CADM2: variants seen among roughly 807,000 people sequenced by gnomAD.
The protein encoded by CADM2 is immunoglobulin superfamily member 4D.
CADM2 carries 12 observed loss-of-function variants against 49.8 expected under a neutral mutation model. The observed-to-expected ratio is 0.24, with a 90% CI of 0.15 to 0.39. The LOEUF is 0.39. Ranked by LOEUF, CADM2 falls within the 10% of genes least tolerant of loss-of-function variation. The pLI, the probability that CADM2 is intolerant of heterozygous loss-of-function variation, is 1.00. For synonymous variants in CADM2, 214 were observed against 175.4 expected (o/e 1.22, Z -1.74); for missense variants, 378 against 492.3 (o/e 0.77, Z 2.20).
chr3:85,327,269 T>G (rs1184562842), intron 1 of CADM2, among the ~76,000 whole-genome samples: 1 of 151,978 alleles, frequency 6.6e-6, no homozygotes, highest in Non-Finnish European at 1.5e-5. Context: ...TATTATTTAT[T>G]TATTTAGAGA....
intron 8 of CADM2, among the ~76,000 whole-genome samples, chr3:86,003,260 A>T (rs1440891425): frequency 9.2e-5 from 14 of 152,188 alleles, no homozygotes. Flanking sequence ...TGTACCTGCA[A>T]CCACCTGGCC....
At chr3:85,314,982 T>A (rs1303345600) in intron 1 of CADM2, among the ~76,000 whole-genome samples, 1 of 152,176 alleles carries the variant, frequency 6.6e-6, no homozygotes, top group Non-Finnish European at 1.5e-5. Flanking sequence ...TCTCACACAG[T>A]TCTGGAGGCT....
intron 3 of CADM2, among the ~76,000 whole-genome samples, chr3:85,835,699 T>A (rs1483595820): frequency 6.7e-6 from 1 of 148,898 alleles, no homozygotes; most frequent in Non-Finnish European, 1.5e-5. Context: ...CAGCAAGTAT[T>A]TTATATATGT....
chr3:85,971,113 T>C (rs1726071104), intron 8 of CADM2, among the ~76,000 whole-genome samples: 1 of 151,550 alleles, frequency 6.6e-6, no homozygotes, highest in Non-Finnish European at 1.5e-5. Context: ...ATTAAGATCA[T>C]TTTTTCTAGT....
chr3:85,324,019 G>C (rs150518400), intron 1 of CADM2, among the ~76,000 whole-genome samples: 25 of 152,268 alleles, frequency 1.6e-4, no homozygotes, highest in Non-Finnish European at 2.8e-4. Flanking sequence ...AATACTGGCT[G>C]TACTGCTATT....
At chr3:85,631,338 G>A in intron 1 of CADM2, among the ~76,000 whole-genome samples, 1 of 152,106 alleles carries the variant, frequency 6.6e-6, no homozygotes, top group East Asian at 1.9e-4. Flanking sequence ...CTATAGAAGA[G>A]CTTAATAAAT....
At chr3:85,404,008 A>G (rs2035250298) in intron 1 of CADM2, among the ~76,000 whole-genome samples, 1 of 152,164 alleles carries the variant, frequency 6.6e-6, no homozygotes, top group African/African-American at 2.4e-5. Flanking sequence ...GGAATTTTAC[A>G]TGGTTTATAT....
At chr3:85,857,865 A>G (rs2075375594) in intron 3 of CADM2, among the ~76,000 whole-genome samples, 1 of 152,216 alleles carries the variant, frequency 6.6e-6, no homozygotes, top group African/African-American at 2.4e-5. Context: ...CAGAATAAAC[A>G]TCTTTGTTTA....
At chr3:85,175,736 T>A (rs2040765371) in intron 1 of CADM2, among the ~76,000 whole-genome samples, 1 of 152,022 alleles carries the variant, frequency 6.6e-6, no homozygotes, top group Non-Finnish European at 1.5e-5. Context: ...ATGGTTTAAG[T>A]GGTAAATTTC....
chr3:85,813,493 AG>A (rs1247545611), intron 3 of CADM2, among the ~76,000 whole-genome samples: 1 of 151,840 alleles, frequency 6.6e-6, no homozygotes, highest in African/African-American at 2.4e-5. Flanking sequence ...ACCATTCTGT[AG>A]GTTGCGTGAT....
chr3:85,255,989 G>A (rs1477469108), intron 1 of CADM2, among the ~76,000 whole-genome samples: 1 of 151,896 alleles, frequency 6.6e-6, no homozygotes, highest in Non-Finnish European at 1.5e-5. Flanking sequence ...AGCCTGTTAT[G>A]TGAAAGCACC....
At chr3:85,944,345 C>A (rs1722364344) in intron 7 of CADM2, among the ~76,000 whole-genome samples, 1 of 152,014 alleles carries the variant, frequency 6.6e-6, no homozygotes. Flanking sequence ...ACCCCACTGT[C>A]AACATTAGAC....
At chr3:85,859,396 A>AATTTTTTGT (rs1472216166) in intron 3 of CADM2, among the ~76,000 whole-genome samples, 1 of 151,522 alleles carries the variant, frequency 6.6e-6, no homozygotes, top group East Asian at 2.0e-4. Flanking sequence ...ACGCCAGGCT[A>AATTTTTTGT]ATTTTTTGTA....
At chr3:85,525,716 C>A (rs1372391119) in intron 1 of CADM2, among the ~76,000 whole-genome samples, 1 of 152,058 alleles carries the variant, frequency 6.6e-6, no homozygotes, top group Non-Finnish European at 1.5e-5. Flanking sequence ...AATTTATTCT[C>A]TGTTCCCATT....
chr3:85,098,569 C>G (rs2037891954), intron 1 of CADM2, among the ~76,000 whole-genome samples: 2 of 152,058 alleles, frequency 1.3e-5, no homozygotes, highest in Non-Finnish European at 2.9e-5. Flanking sequence ...TCCTTATTTT[C>G]TAGAAGGAGG....
chr3:85,687,397 C>T (rs1240972674), intron 1 of CADM2, among the ~76,000 whole-genome samples: 1 of 151,046 alleles, frequency 6.6e-6, no homozygotes, highest in East Asian at 1.9e-4. Flanking sequence ...CAGAAACAGA[C>T]AAATGAAAGA....
intron 1 of CADM2, among the ~76,000 whole-genome samples, chr3:85,468,371 C>G (rs1245128845): frequency 6.6e-6 from 1 of 151,772 alleles, no homozygotes; most frequent in African/African-American, 2.4e-5. Context: ...TGGAGTGTGC[C>G]CTGTGGTGGG....
chr3:85,123,356 A>G (rs1247202792), intron 1 of CADM2, among the ~76,000 whole-genome samples: 1 of 152,086 alleles, frequency 6.6e-6, no homozygotes, highest in Non-Finnish European at 1.5e-5. Context: ...CTCATTTCAA[A>G]TGGTAGTCAT....
chr3:85,070,853 G>A (rs2036705558), intron 1 of CADM2, among the ~76,000 whole-genome samples: 1 of 151,976 alleles, frequency 6.6e-6, no homozygotes, highest in South Asian at 2.1e-4. Flanking sequence ...GCTGGGCTGG[G>A]TGGTGCACAC....
Sources: gnomAD v4.1 joint callset for allele counts (sites outside exome capture counted in the v4.1 genomes callset) on GRCh38, gnomAD v4.1.1 for gene constraint, MANE v1.5 for transcripts, NCBI Gene and HGNC (gene_info 2026-07-23, HGNC 2026-07-21) for gene names.